The following PTPRD variants were observed in gnomAD, a reference collection of about 807,000 sequenced individuals.
The protein encoded by PTPRD is receptor-type tyrosine-protein phosphatase delta.
In PTPRD, 34 loss-of-function variants were observed where a neutral mutation model predicts 214.5. The ratio of observed to expected loss-of-function variants is 0.16; its 90% confidence interval spans 0.12 to 0.21. The LOEUF (loss-of-function observed/expected upper bound fraction) is 0.21. PTPRD is among the 10% of genes least tolerant of loss of function. PTPRD has a pLI of 1.00. For synonymous variants in PTPRD, 1,128 were observed against 845.7 expected, an observed-to-expected ratio of 1.33 and a Z score of -5.79; for missense variants, 2,545 against 2,398.7, an observed-to-expected ratio of 1.06 and a Z score of -1.27.
At chr9:8,474,957 ACTT>A (rs1193766281) in intron 30 of PTPRD, among the ~76,000 whole-genome samples, 1 of 151,848 alleles carries the variant, frequency 6.6e-6, no homozygotes, top group East Asian at 1.9e-4. Flanking sequence ...ATATATCTCA[ACTT>A]CTCCTTCCCC....
rs571226215 is a variant in PTPRD, at chr9:9,875,785, C to T, written c.-368+62722G>A. Among the ~76,000 whole-genome samples, 11 of 152,142 alleles carry T rather than the reference C, an allele frequency of 7.2e-5. No individual in the cohort carries two copies. In the South Asian group the frequency reaches 2.3e-3, roughly 32 times the overall value. On this transcript the variant is annotated intron_variant, in intron 5 of 45. Transcript: ENST00000381196. ...TCCAGGTTTAAGACAAAATAACAAT[C>T]CACAACACCAGTTAATCTTAGTAAA...
chr9:8,708,432 G>A (rs1186145261), intron 12 of PTPRD, among the ~76,000 whole-genome samples: 1 of 152,010 alleles, frequency 6.6e-6, no homozygotes, highest in Non-Finnish European at 1.5e-5. Context: ...CTAGCACTTT[G>A]GGAGGCCGAG....
intron 45 of PTPRD, among the ~76,000 whole-genome samples, chr9:8,319,505 C>G (rs929116080): frequency 1.6e-4 from 24 of 151,594 alleles, no homozygotes; most frequent in African/African-American, 5.3e-4. Flanking sequence ...ATTATGCTTT[C>G]TATATATTTA....
intron 5 of PTPRD, among the ~76,000 whole-genome samples, chr9:9,884,266 G>C (rs1010942631): frequency 5.9e-5 from 9 of 152,114 alleles, no homozygotes; most frequent in Non-Finnish European, 1.2e-4. Flanking sequence ...ACAGAGTTCA[G>C]TCTTTCCAAC....
intron 7 of PTPRD, among the ~76,000 whole-genome samples, chr9:9,661,783 A>G (rs2096626851): frequency 1.3e-5 from 2 of 151,766 alleles, no homozygotes; most frequent in Admixed American, 6.6e-5. Context: ...GAGAAGGAAA[A>G]AGGGAGATAA....
chr9:9,732,644 T>C (rs73641347), intron 7 of PTPRD, among the ~76,000 whole-genome samples: 4,451 of 152,218 alleles, frequency 0.029, 217 homozygotes, highest in African/African-American at 0.1. Context: ...GAGGCAAAAT[T>C]TGTGCTACCT....
intron 17 of PTPRD, 43 bp from the exon 18 acceptor site, chr9:8,525,078 A>G (rs749823711): frequency 6.6e-7 from 1 of 1,521,146 alleles, no homozygotes; most frequent in Non-Finnish European, 9.1e-7. Context: ...TGATCAGAGA[A>G]GGCTTTCTCA....
At chr9:9,947,843 G>T in intron 4 of PTPRD, among the ~76,000 whole-genome samples, 1 of 149,948 alleles carries the variant, frequency 6.7e-6, no homozygotes, top group African/African-American at 2.5e-5. Context: ...AGCTTATTTT[G>T]TTAAATCAGC....
intron 35 of PTPRD, among the ~76,000 whole-genome samples, chr9:8,428,670 A>G (rs1413926173): frequency 6.6e-6 from 1 of 152,064 alleles, no homozygotes; most frequent in African/African-American, 2.4e-5. Flanking sequence ...TGGCCAAAAA[A>G]AATTGTGTGT....
At chr9:10,004,565 C>T (rs1182438701) in intron 4 of PTPRD, among the ~76,000 whole-genome samples, 1 of 151,770 alleles carries the variant, frequency 6.6e-6, no homozygotes, top group Non-Finnish European at 1.5e-5. Context: ...ACATATTATA[C>T]AATAAATAAT....
chr9:9,659,476 T>C (rs1187140949), intron 7 of PTPRD, among the ~76,000 whole-genome samples: 1 of 152,040 alleles, frequency 6.6e-6, no homozygotes, highest in Non-Finnish European at 1.5e-5. Context: ...GCCAGGGCTA[T>C]ACATCAAATC....
intron 11 of PTPRD, among the ~76,000 whole-genome samples, chr9:8,756,364 A>T (rs913582440): frequency 7.2e-5 from 11 of 152,190 alleles, no homozygotes. Flanking sequence ...GATTTTTTTT[A>T]AATATTGTTA....
chr9:9,247,618 T>C (rs2099973649), intron 9 of PTPRD, among the ~76,000 whole-genome samples: 1 of 152,046 alleles, frequency 6.6e-6, no homozygotes, highest in African/African-American at 2.4e-5. Flanking sequence ...AATTTTCAAC[T>C]CTACATAGCC....
chr9:8,901,274 GA>G (rs2098666902), intron 11 of PTPRD, among the ~76,000 whole-genome samples: 1 of 152,138 alleles, frequency 6.6e-6, no homozygotes, highest in African/African-American at 2.4e-5. Flanking sequence ...TCTGAGCTCA[GA>G]AAGCCACCTA....
chr9:8,725,804 A>T (rs907979214), intron 12 of PTPRD, among the ~76,000 whole-genome samples: 4 of 152,146 alleles, frequency 2.6e-5, no homozygotes, highest in Non-Finnish European at 4.4e-5. Context: ...ATACAGCAGA[A>T]GCAGGACTTG....
chr9:9,342,925 C>A lies in PTPRD; in HGVS notation c.-203+54524G>T, dbSNP rs147620729. ...TCCTCCCTGTATGTGATGTTCCCTT[C>A]CCTGTTTCCATGTGTTCTCATTGTT... On this transcript the variant is annotated intron_variant, in intron 9 of 45. Coordinates refer to ENST00000381196, the MANE Select transcript of PTPRD (RefSeq NM_002839.4). 5.0e-3 allele frequency among the ~76,000 whole-genome samples: 758 copies of A among 152,040 alleles called. 4 individuals are homozygous for A. The highest frequency in any genetic ancestry group is 9.0e-3 in the Non-Finnish European group (609 of 68,006).
At chr9:8,930,847 G>C (rs1371015048) in intron 11 of PTPRD, among the ~76,000 whole-genome samples, 6 of 152,118 alleles carry the variant, frequency 3.9e-5, no homozygotes, top group Admixed American at 3.9e-4. Context: ...GTTCTTTGTA[G>C]ATTCTGGATA....
intron 9 of PTPRD, among the ~76,000 whole-genome samples, chr9:9,345,422 G>C (rs1319925501): frequency 6.6e-6 from 1 of 152,000 alleles, no homozygotes; most frequent in Non-Finnish European, 1.5e-5. Flanking sequence ...CTCAAGTACA[G>C]GTTATGGCTG....
intron 12 of PTPRD, among the ~76,000 whole-genome samples, chr9:8,709,261 T>G (rs933510317): frequency 4.6e-5 from 7 of 152,144 alleles, no homozygotes; most frequent in East Asian, 1.9e-4. Context: ...GCACCTGTAA[T>G]GCCAGCACTT....
Sources: gnomAD v4.1 joint callset for allele counts (sites outside exome capture counted in the v4.1 genomes callset) on GRCh38, gnomAD v4.1.1 for gene constraint, MANE v1.5 for transcripts, NCBI Gene and HGNC (gene_info 2026-07-23, HGNC 2026-07-21) for gene names.